The following UNC5C variants were observed in gnomAD, a reference collection of about 807,000 sequenced individuals.
UNC5C encodes unc-5 netrin receptor C.
Under a neutral mutation model 99.8 loss-of-function variants are expected in UNC5C, and 47 were observed. That is an observed-to-expected ratio of 0.47 (90% CI 0.37 to 0.60). The LOEUF (loss-of-function observed/expected upper bound fraction) is 0.60. Among genes scored for constraint, UNC5C ranks in the 20% least tolerant of loss-of-function variants. The pLI is 0.00. For missense variants in UNC5C, 1,062 were observed against 1,165.9 expected, an observed-to-expected ratio of 0.91 and a Z score of 1.30; for synonymous variants, 487 against 452.2, an observed-to-expected ratio of 1.08 and a Z score of -0.98.
At chr4:95,326,959 T>C (rs1365787469) in intron 2 of UNC5C, among the ~76,000 whole-genome samples, 1 of 152,238 alleles carries the variant, frequency 6.6e-6, no homozygotes, top group Non-Finnish European at 1.5e-5. Context: ...CAGAGGTATG[T>C]ATAAAAGCAA....
chr4:95,286,340 T>C (rs1741234807), intron 3 of UNC5C, among the ~76,000 whole-genome samples: 1 of 152,168 alleles, frequency 6.6e-6, no homozygotes, highest in Non-Finnish European at 1.5e-5. Context: ...GAATCTACAG[T>C]TTTAACAAAC....
chr4:95,467,333 TA>T (rs1413922531), intron 1 of UNC5C, among the ~76,000 whole-genome samples: 2 of 151,960 alleles, frequency 1.3e-5, no homozygotes, highest in African/African-American at 4.8e-5. Context: ...AGAGAAGGAA[TA>T]GAACAACAGG....
intron 1 of UNC5C, among the ~76,000 whole-genome samples, chr4:95,458,431 CTTTTTT>C (rs1747506000): frequency 6.6e-6 from 1 of 151,958 alleles, no homozygotes; most frequent in Non-Finnish European, 1.5e-5. Context: ...ATATCTCTTT[CTTTTTT>C]CATGGAGCTG....
intron 14 of UNC5C, among the ~76,000 whole-genome samples, chr4:95,181,968 T>C (rs988511031): frequency 1.3e-5 from 2 of 152,210 alleles, no homozygotes; most frequent in Non-Finnish European, 2.9e-5. Flanking sequence ...TTTTCACATA[T>C]GACAATCTTG....
intron 1 of UNC5C, among the ~76,000 whole-genome samples, chr4:95,476,454 T>C (rs978845108): frequency 3.9e-5 from 6 of 152,102 alleles, no homozygotes; most frequent in East Asian, 3.9e-4. Context: ...CAGTAGATTA[T>C]AGATGAAATA....
In UNC5C at chr4:95,208,193, A is replaced by G. The variant is rs944804836; in HGVS notation, c.1734-1397T>C. ...CCATCTGTGTTTGTATTCATGCCTC[A>G]CAAAATTGTTGCTGTTGATTATTCC... is the stretch of plus-strand genomic sequence containing the variant. On this transcript the variant is annotated intron_variant, in intron 10 of 15. Coordinates refer to ENST00000453304, the MANE Select transcript of UNC5C (RefSeq NM_003728.4). Among the ~76,000 whole-genome samples, 9 of 152,316 alleles carry G rather than the reference A, an allele frequency of 5.9e-5. No individual in the cohort carries two copies. The East Asian group carries it at 1.7e-3, about 29-fold the overall frequency.
intron 2 of UNC5C, among the ~76,000 whole-genome samples, chr4:95,332,585 G>C (rs1723314151): frequency 6.6e-6 from 1 of 151,792 alleles, no homozygotes; most frequent in African/African-American, 2.4e-5. Flanking sequence ...ATGGATTAAA[G>C]ACTTAAACGT....
intron 1 of UNC5C, 24 bp downstream of exon 1, chr4:95,548,710 G>C (rs747105541): frequency 3.1e-6 from 5 of 1,610,040 alleles, no homozygotes; most frequent in Non-Finnish European, 4.2e-6. Context: ...GGAGGTGGCC[G>C]CGGAGCTTGG....
intron 10 of UNC5C, among the ~76,000 whole-genome samples, chr4:95,208,191 TC>T (rs1163180372): frequency 1.3e-5 from 2 of 152,204 alleles, no homozygotes; most frequent in African/African-American, 4.8e-5. Context: ...TATTCATGCC[TC>T]ACAAAATTGT....
At chr4:95,250,722 G>T in intron 4 of UNC5C, 55 bp from the exon 5 acceptor site, 1 of 1,560,024 alleles carries the variant, frequency 6.4e-7, no homozygotes, top group Non-Finnish European at 8.8e-7. Flanking sequence ...CCTGATGGCT[G>T]TCTGTCCTAA....
chr4:95,419,387 G>A (rs1746256505), intron 1 of UNC5C, among the ~76,000 whole-genome samples: 1 of 152,028 alleles, frequency 6.6e-6, no homozygotes, highest in Non-Finnish European at 1.5e-5. Context: ...TTTGCCCATG[G>A]GTTCTTTATG....
intron 7 of UNC5C, among the ~76,000 whole-genome samples, chr4:95,228,861 A>G (rs139613254): frequency 1.1e-3 from 172 of 152,292 alleles, no homozygotes; most frequent in Admixed American, 2.6e-3. Context: ...TCTCCTTTAC[A>G]TGAAAAAAAT....
intron 1 of UNC5C, among the ~76,000 whole-genome samples, chr4:95,373,428 C>T (rs771689394): frequency 3.3e-4 from 50 of 152,312 alleles, no homozygotes; most frequent in South Asian, 8.3e-4. Flanking sequence ...GCTCCCTCCA[C>T]GCATCCAGGA....
chr4:95,246,928 G>A (rs965160886), intron 5 of UNC5C, among the ~76,000 whole-genome samples: 3 of 151,880 alleles, frequency 2.0e-5, no homozygotes, highest in Non-Finnish European at 4.4e-5. Flanking sequence ...TGTAGTCCCA[G>A]GTACTTGGGA....
rs1735943388 is a variant in UNC5C at position 95,168,449 on chromosome 4, A to C, written c.*785T>G. 1 of 152,652 alleles carries C rather than the reference A, an allele frequency of 6.6e-6. No homozygotes were observed. Among genetic ancestry groups the C allele is most frequent in the South Asian group, 2.1e-4 (1 of 4,836 alleles). The allele number at this position is 152,652 out of a possible 1,614,324, so 9.5% of individuals were successfully genotyped here. A position where few individuals can be genotyped will look rare whatever the true frequency, so the allele number is the denominator to read the frequency against. On this transcript the variant is annotated 3_prime_UTR_variant, in exon 16 of 16. Transcript: ENST00000453304. ...AATAATAATAATACCTTTAAAAAAAAACACTTCATATTGCATATTACAAAC... is the reference window on the plus strand; with the variant it reads ...AATAATAATAATACCTTTAAAAAAACACACTTCATATTGCATATTACAAAC...
intron 1 of UNC5C, among the ~76,000 whole-genome samples, chr4:95,533,260 A>G (rs1190527934): frequency 6.6e-6 from 1 of 151,950 alleles, no homozygotes; most frequent in Non-Finnish European, 1.5e-5. Context: ...TTAGCTGGGC[A>G]TGGTGGCGGG....
At chr4:95,340,277 T>C (rs9999811) in intron 1 of UNC5C, among the ~76,000 whole-genome samples, 60,851 of 151,926 alleles carry the variant, frequency 0.4, 13,846 homozygotes, top group East Asian at 0.84. Context: ...TATTATTGCT[T>C]ATATCATAAA....
At chr4:95,531,074 A>T (rs1722627912) in intron 1 of UNC5C, among the ~76,000 whole-genome samples, 1 of 152,174 alleles carries the variant, frequency 6.6e-6, no homozygotes, top group Non-Finnish European at 1.5e-5. Context: ...CTTGTTTTAG[A>T]CTTCATAATT....
intron 1 of UNC5C, among the ~76,000 whole-genome samples, chr4:95,470,652 G>A (rs1039064385): frequency 6.6e-6 from 1 of 152,052 alleles, no homozygotes; most frequent in African/African-American, 2.4e-5. Flanking sequence ...ACACTCAAAA[G>A]GCTATTGCAA....
Sources: allele counts gnomAD v4.1 joint callset (sites outside exome capture counted in the v4.1 genomes callset), GRCh38; gene constraint gnomAD v4.1.1; transcripts MANE v1.5; gene names NCBI Gene and HGNC (gene_info 2026-07-23, HGNC 2026-07-21).